MAP3K5: variants seen among roughly 807,000 people sequenced by gnomAD.
The protein encoded by MAP3K5 is ASK-1.
In MAP3K5, 56 loss-of-function variants were observed where a neutral mutation model predicts 158.7. That is an observed-to-expected ratio of 0.35 (90% confidence interval 0.28 to 0.44). MAP3K5 has a LOEUF of 0.44. Among genes scored for constraint, MAP3K5 ranks in the 20% least tolerant of loss-of-function variants. The pLI, the probability that MAP3K5 is intolerant of heterozygous loss-of-function variation, is 1.00. For synonymous variants in MAP3K5, 579 were observed against 601.7 expected, an observed-to-expected ratio of 0.96 and a Z score of 0.55; for missense variants, 1,294 against 1,674.8, an observed-to-expected ratio of 0.77 and a Z score of 3.97.
chr6:136,638,271 G>T (rs574870163), intron 13 of MAP3K5, among the ~76,000 whole-genome samples: 1 of 152,166 alleles, frequency 6.6e-6, no homozygotes, highest in Non-Finnish European at 1.5e-5. Context: ...TTAAGGATTT[G>T]CATCAGCCAC....
intron 14 of MAP3K5, among the ~76,000 whole-genome samples, chr6:136,633,301 C>A (rs112686677): frequency 6.6e-6 from 1 of 151,758 alleles, no homozygotes; most frequent in East Asian, 1.9e-4. Flanking sequence ...CAAGAGGCTG[C>A]GGTGGGAGCA....
At chr6:136,566,126 TAGAC>T (rs59257299) in intron 26 of MAP3K5, among the ~76,000 whole-genome samples, 5,802 of 152,018 alleles carry the variant, frequency 0.038, 359 homozygotes, top group African/African-American at 0.13. Flanking sequence ...CCAAGCATGG[TAGAC>T]AGACAGTGGC....
intron 19 of MAP3K5, among the ~76,000 whole-genome samples, chr6:136,602,435 C>G (rs1775918547): frequency 6.6e-6 from 1 of 152,096 alleles, no homozygotes; most frequent in Non-Finnish European, 1.5e-5. Context: ...CCTGAGGTAG[C>G]TCGGACTACA....
At chr6:136,764,764 A>G (rs944850461) in intron 1 of MAP3K5, among the ~76,000 whole-genome samples, 2 of 152,190 alleles carry the variant, frequency 1.3e-5, no homozygotes, top group South Asian at 4.1e-4. Context: ...TCTTTAATAT[A>G]TATTTTCTCA....
rs1830370133 is a variant in MAP3K5 at position 136,558,818 on chromosome 6, A to G, written c.4046T>C (p.Leu1349Ser). Residue 1349 changes from leucine (L) to serine (S), a missense_variant, in exon 29 of 30, where the codon TTA (leucine) becomes TCA (serine). Coordinates refer to ENST00000359015, the MANE Select transcript of MAP3K5 (RefSeq NM_005923.4). ...DVLYYVTRDD[L>S]KCLRLRGGML... Reference sequence around the variant, plus strand: ...GTGGTACCTTAGTCTCAAGCATTTTAAGTCATCACGTGTAACATAGTAGAG... The same window carrying G: ...GTGGTACCTTAGTCTCAAGCATTTTGAGTCATCACGTGTAACATAGTAGAG... 1 of 1,601,320 alleles carries G rather than the reference A, an allele frequency of 6.2e-7. No individual in the cohort carries two copies. The highest frequency in any genetic ancestry group is 1.1e-5 in the South Asian group (1 of 90,566).
At chr6:136,596,214 A>G (rs1775623831) in intron 21 of MAP3K5, among the ~76,000 whole-genome samples, 1 of 152,272 alleles carries the variant, frequency 6.6e-6, no homozygotes, top group Non-Finnish European at 1.5e-5. Flanking sequence ...AATGACAAGG[A>G]GCAGCCATGA....
At chr6:136,675,018 C>A (rs56922673) in intron 7 of MAP3K5, among the ~76,000 whole-genome samples, 1 of 151,772 alleles carries the variant, frequency 6.6e-6, no homozygotes, top group East Asian at 1.9e-4. Flanking sequence ...GATGTACCAT[C>A]CAAATATTAA....
chr6:136,761,616 T>C (rs988174209), intron 1 of MAP3K5, among the ~76,000 whole-genome samples: 2 of 152,144 alleles, frequency 1.3e-5, no homozygotes, highest in South Asian at 4.1e-4. Flanking sequence ...TCCCAACCTC[T>C]TTATTAGAGA....
chr6:136,777,310 A>G (rs1173073062), intron 1 of MAP3K5, among the ~76,000 whole-genome samples: 1 of 152,244 alleles, frequency 6.6e-6, no homozygotes, highest in Non-Finnish European at 1.5e-5. Flanking sequence ...AATTCTATGT[A>G]TACAGTAAAC....
intron 17 of MAP3K5, among the ~76,000 whole-genome samples, 181 bp downstream of exon 17, chr6:136,612,939 C>T (rs1030863706): frequency 1.6e-4 from 24 of 152,102 alleles, no homozygotes; most frequent in Non-Finnish European, 2.9e-4. Flanking sequence ...TGAGCAGAAG[C>T]GTTAAGACAT....
chr6:136,751,674 A>G (rs1295889155), intron 1 of MAP3K5, among the ~76,000 whole-genome samples: 1 of 152,224 alleles, frequency 6.6e-6, no homozygotes, highest in Non-Finnish European at 1.5e-5. Context: ...AAGAGGAAGA[A>G]AGCATATTGG....
chr6:136,587,371 A>G (rs907080464), intron 23 of MAP3K5, among the ~76,000 whole-genome samples: 1 of 152,266 alleles, frequency 6.6e-6, no homozygotes, highest in Non-Finnish European at 1.5e-5. Context: ...ACAGTTAACA[A>G]TTGTGGAATA....
At chr6:136,740,562 TC>T (rs1199153801) in intron 1 of MAP3K5, among the ~76,000 whole-genome samples, 2 of 152,050 alleles carry the variant, frequency 1.3e-5, no homozygotes, top group Non-Finnish European at 2.9e-5. Context: ...GAAAGACTTC[TC>T]CCCAGCTCTT....
intron 14 of MAP3K5, among the ~76,000 whole-genome samples, chr6:136,623,757 T>C (rs1776913070): frequency 6.6e-6 from 1 of 152,176 alleles, no homozygotes; most frequent in African/African-American, 2.4e-5. Flanking sequence ...CATGTCCCTG[T>C]AGAAACCCAG....
intron 8 of MAP3K5, among the ~76,000 whole-genome samples, chr6:136,661,331 C>T (rs1583368345): frequency 6.6e-6 from 1 of 152,032 alleles, no homozygotes; most frequent in African/African-American, 2.4e-5. Flanking sequence ...TGCTGTTTCA[C>T]GAGATGAAAA....
intron 7 of MAP3K5, among the ~76,000 whole-genome samples, chr6:136,680,877 T>A (rs570216260): frequency 2.4e-4 from 36 of 152,102 alleles, no homozygotes; most frequent in African/African-American, 8.4e-4. Flanking sequence ...TTGGAAGAGC[T>A]CTGCAGGGGA....
intron 25 of MAP3K5, among the ~76,000 whole-genome samples, chr6:136,574,274 A>T (rs1774499399): frequency 6.6e-6 from 1 of 152,190 alleles, no homozygotes; most frequent in South Asian, 2.1e-4. Flanking sequence ...ATGCTTAGTA[A>T]GATCATAATA....
intron 10 of MAP3K5, 69 bp from the exon 11 acceptor site, chr6:136,651,160 C>T (rs1012616475): frequency 1.4e-6 from 1 of 729,908 alleles, no homozygotes; most frequent in East Asian, 2.8e-5. Context: ...GCTGCTATAA[C>T]ACCCCAGCAC....
intron 1 of MAP3K5, among the ~76,000 whole-genome samples, chr6:136,789,208 G>A (rs1212472073): frequency 6.6e-6 from 1 of 152,232 alleles, no homozygotes; most frequent in Non-Finnish European, 1.5e-5. Context: ...TACTCGGGAG[G>A]CTGAGGCAGG....
Sources: allele counts gnomAD v4.1 joint callset (sites outside exome capture counted in the v4.1 genomes callset), GRCh38; gene constraint gnomAD v4.1.1; transcripts MANE v1.5; gene names NCBI Gene and HGNC (gene_info 2026-07-23, HGNC 2026-07-21).